ZNF423: variants seen among roughly 807,000 people sequenced by gnomAD.
ZNF423 encodes Ebf-associated zinc finger protein.
Under a neutral mutation model 95.8 loss-of-function variants are expected in ZNF423, and 12 were observed. The observed-to-expected ratio is 0.13, with a 90% CI of 0.08 to 0.20. The LOEUF (loss-of-function observed/expected upper bound fraction) is 0.20. ZNF423 is among the 10% of genes least tolerant of loss of function. ZNF423 has a pLI of 1.00. For synonymous variants in ZNF423, 749 were observed against 711.9 expected (o/e 1.05, Z -0.83); for missense variants, 1,316 against 1,737.1 (o/e 0.76, Z 4.31).
chr16:49,498,297 G>T (rs1047753854), intron 7 of ZNF423, among the ~76,000 whole-genome samples: 1 of 152,230 alleles, frequency 6.6e-6, no homozygotes, highest in Non-Finnish European at 1.5e-5. Context: ...TGATGGCAGT[G>T]CTGGGTCTGC....
intron 3 of ZNF423, among the ~76,000 whole-genome samples, chr16:49,644,998 C>A (rs1973123471): frequency 6.6e-6 from 1 of 152,176 alleles, no homozygotes; most frequent in Admixed American, 6.5e-5. Flanking sequence ...ATAGCCCCTG[C>A]CATATGAATA....
At chr16:49,586,203 C>T (rs1371234829) in intron 5 of ZNF423, among the ~76,000 whole-genome samples, 3 of 152,106 alleles carry the variant, frequency 2.0e-5, no homozygotes, top group Non-Finnish European at 2.9e-5. Context: ...GACCTCTTCC[C>T]GCCTGCGTCG....
chr16:49,815,340 C>T (rs1290764654), intron 1 of ZNF423, among the ~76,000 whole-genome samples: 1 of 152,152 alleles, frequency 6.6e-6, no homozygotes, highest in African/African-American at 2.4e-5. Context: ...GGGGTCAGGA[C>T]AGGAAGTTAT....
chr16:49,810,836 C>T (rs1245385154), intron 1 of ZNF423, among the ~76,000 whole-genome samples: 4 of 152,158 alleles, frequency 2.6e-5, no homozygotes, highest in Non-Finnish European at 5.9e-5. Flanking sequence ...TCCTTCAACA[C>T]AAATGGGACC....
chr16:49,583,056 G>A (rs1220192078), intron 5 of ZNF423, among the ~76,000 whole-genome samples: 1 of 152,168 alleles, frequency 6.6e-6, no homozygotes, highest in African/African-American at 2.4e-5. Context: ...TTCTGTTCCT[G>A]CCTGGCTGGT....
chr16:49,644,491 A>G (rs1973097331), intron 3 of ZNF423, among the ~76,000 whole-genome samples: 1 of 129,334 alleles, frequency 7.7e-6, no homozygotes, highest in African/African-American at 2.9e-5. Context: ...CCTGTCTCTT[A>G]AAAAAAAAAA....
intron 1 of ZNF423, among the ~76,000 whole-genome samples, chr16:49,807,684 G>A (rs373513305): frequency 6.6e-6 from 1 of 152,188 alleles, no homozygotes; most frequent in African/African-American, 2.4e-5. Context: ...AGGCCTTTGG[G>A]GGACCCCAGG....
chr16:49,657,298 C>T (rs1386575573), intron 3 of ZNF423, among the ~76,000 whole-genome samples: 1 of 152,232 alleles, frequency 6.6e-6, no homozygotes, highest in Non-Finnish European at 1.5e-5. Context: ...TGGAGAAACT[C>T]CCCAAAAACA....
intron 7 of ZNF423, among the ~76,000 whole-genome samples, chr16:49,505,035 T>C (rs979206940): frequency 2.6e-5 from 4 of 152,202 alleles, no homozygotes; most frequent in Non-Finnish European, 2.9e-5. Flanking sequence ...AGGGCACACC[T>C]ACACATGACA....
intron 5 of ZNF423, among the ~76,000 whole-genome samples, chr16:49,586,640 G>A (rs994382102): frequency 3.9e-5 from 6 of 152,246 alleles, no homozygotes; most frequent in East Asian, 1.9e-4. Flanking sequence ...AGCTGTCTGC[G>A]AATGTGGCGT....
At chr16:49,648,877 G>A (rs1183965718) in intron 3 of ZNF423, among the ~76,000 whole-genome samples, 1 of 152,080 alleles carries the variant, frequency 6.6e-6, no homozygotes, top group East Asian at 1.9e-4. Context: ...GAAATTTGGG[G>A]GTATTGCTCT....
At chr16:49,771,731 T>C (rs981971976) in intron 2 of ZNF423, among the ~76,000 whole-genome samples, 51 of 152,212 alleles carry the variant, frequency 3.4e-4, no homozygotes, top group African/African-American at 1.2e-3. Flanking sequence ...CCTTTCACCA[T>C]GATTATGAGG....
At chr16:49,736,498 C>T (rs1782753748) in intron 2 of ZNF423, among the ~76,000 whole-genome samples, 1 of 152,168 alleles carries the variant, frequency 6.6e-6, no homozygotes, top group Non-Finnish European at 1.5e-5. Flanking sequence ...AATCATGTTT[C>T]GCTGGAAAGC....
chr16:49,680,982 T>A (rs2031329442), intron 3 of ZNF423, among the ~76,000 whole-genome samples: 1 of 152,238 alleles, frequency 6.6e-6, no homozygotes, highest in South Asian at 2.1e-4. Context: ...TGAGCCACCA[T>A]GCCCAGCCAA....
chr16:49,641,060 GACTC>G (rs1425102049), intron 3 of ZNF423, among the ~76,000 whole-genome samples: 1 of 152,202 alleles, frequency 6.6e-6, no homozygotes, highest in Non-Finnish European at 1.5e-5. Context: ...TCTTCACTCA[GACTC>G]ACTCAAACTG....
At chr16:49,824,208 T>G (rs962328745) in intron 1 of ZNF423, among the ~76,000 whole-genome samples, 1 of 151,994 alleles carries the variant, frequency 6.6e-6, no homozygotes, top group Non-Finnish European at 1.5e-5. Flanking sequence ...CCAAGAGACT[T>G]CTAAGCCCAC....
At chr16:49,542,315 GC>G (rs1969280653) in intron 5 of ZNF423, among the ~76,000 whole-genome samples, 1 of 152,224 alleles carries the variant, frequency 6.6e-6, no homozygotes, top group Non-Finnish European at 1.5e-5. Flanking sequence ...CAATTTTCAA[GC>G]CCGGGCTCTG....
intron 5 of ZNF423, among the ~76,000 whole-genome samples, chr16:49,569,980 G>A (rs759234216): frequency 6.6e-6 from 1 of 152,160 alleles, no homozygotes; most frequent in Non-Finnish European, 1.5e-5. Flanking sequence ...AGGAGGTGCT[G>A]AACTAGCACT....
intron 1 of ZNF423, among the ~76,000 whole-genome samples, chr16:49,798,224 A>G (rs1447361871): frequency 6.6e-6 from 1 of 152,018 alleles, no homozygotes; most frequent in Non-Finnish European, 1.5e-5. Context: ...AAGAAGAAAG[A>G]AGGCCAGGTG....
Sources: gnomAD v4.1 joint callset for allele counts (sites outside exome capture counted in the v4.1 genomes callset) on GRCh38, gnomAD v4.1.1 for gene constraint, MANE v1.5 for transcripts, NCBI Gene and HGNC (gene_info 2026-07-23, HGNC 2026-07-21) for gene names.